The following VPS41 variants were observed in gnomAD, a reference collection of about 807,000 sequenced individuals.
VPS41 encodes VPS41 subunit of HOPS complex, also known as vacuolar protein sorting-associated protein 41 homolog.
VPS41 carries 85 observed loss-of-function variants against 130.9 expected under a neutral mutation model. The ratio of observed to expected loss-of-function variants is 0.65; its 90% CI spans 0.55 to 0.78. The LOEUF (loss-of-function observed/expected upper bound fraction) is 0.78. Ranked by LOEUF, VPS41 falls within the 30% of genes least tolerant of loss-of-function variation. The probability of loss-of-function intolerance (pLI) is 0.00; values close to 1 mark genes in which losing one functional copy is unlikely to be tolerated. For synonymous variants in VPS41, 335 were observed against 332.9 expected (o/e 1.01, Z -0.07); for missense variants, 874 against 1,018.7 (o/e 0.86, Z 1.93).
intron 10 of VPS41, 49 bp from the exon 11 acceptor site, chr7:38,776,825 A>G (rs753349789): frequency 9.5e-7 from 1 of 1,048,768 alleles, no homozygotes; most frequent in Non-Finnish European, 1.5e-6. Flanking sequence ...GGCAAACAGC[A>G]GCACACATCT....
At chr7:38,883,482 C>T (rs571261498) in intron 2 of VPS41, among the ~76,000 whole-genome samples, 26 of 152,302 alleles carry the variant, frequency 1.7e-4, no homozygotes, top group Non-Finnish European at 3.4e-4. Flanking sequence ...CAGGCCTTCC[C>T]TAACCACCCA....
chr7:38,870,131 G>A (rs1005330918), intron 2 of VPS41, among the ~76,000 whole-genome samples: 1 of 152,176 alleles, frequency 6.6e-6, no homozygotes, highest in Non-Finnish European at 1.5e-5. Flanking sequence ...CGGGGGTAGG[G>A]AAAGCAGCAC....
intron 27 of VPS41, among the ~76,000 whole-genome samples, chr7:38,728,176 CTAAAAGA>C (rs1795585213): frequency 6.6e-6 from 1 of 152,106 alleles, no homozygotes; most frequent in Non-Finnish European, 1.5e-5. Flanking sequence ...ACTAGCAGTT[CTAAAAGA>C]AGGGCCCCTG....
intron 25 of VPS41, among the ~76,000 whole-genome samples, chr7:38,730,913 C>G (rs1192838314): frequency 6.6e-6 from 1 of 152,134 alleles, no homozygotes; most frequent in Non-Finnish European, 1.5e-5. Context: ...AAAAAGAAAA[C>G]AGCAAAATAT....
rs777530379 is a variant in VPS41, at chr7:38,774,133, A to C, written c.994T>G (p.Cys332Gly). The C allele has an allele frequency of 1.9e-6, 3 of 1,606,688 alleles. No individual in the cohort carries two copies. In the South Asian group the frequency reaches 3.3e-5, roughly 18 times the overall value. The part of the protein sequence containing the change: ...LTVRGFQENE[C>G]RDYHLEYSEG... ...CTCCTACCTAAATGATAATCTCTACATTCATTCTCCTGAAAGCCTCTGACT... is the reference window on the plus strand; with the variant it reads ...CTCCTACCTAAATGATAATCTCTACCTTCATTCTCCTGAAAGCCTCTGACT... The change falls in exon 12 of 29, where the codon TGT becomes GGT. Residue 332 changes from cysteine to glycine, a missense_variant. By Grantham distance (159) the Cys-to-Gly change is radical. Coordinates refer to ENST00000310301, the MANE Select transcript of VPS41 (RefSeq NM_014396.4).
At chr7:38,779,340 G>A (rs1784317497) in intron 10 of VPS41, among the ~76,000 whole-genome samples, 1 of 152,104 alleles carries the variant, frequency 6.6e-6, no homozygotes, top group South Asian at 2.1e-4. Context: ...CTTTCTTTTT[G>A]TTAAAGTAAT....
Position 38,752,290 on chromosome 7 carries a change from T to C in VPS41, c.1812A>G (p.Arg604=). Residue 604 remains arginine, a synonymous_variant, in exon 22 of 29, where the codon AGA becomes AGG. Transcript: ENST00000310301. Reference sequence around the variant, plus strand: ...GGTAACGCTGCCCCTTATGGTGGTCTCTCTTGAAAAGCTTATGCAAATACT... The same window carrying C: ...GGTAACGCTGCCCCTTATGGTGGTCCCTCTTGAAAAGCTTATGCAAATACT... The part of the protein sequence containing the change: ...QHVYLHKLFK[R]DHHKGQRYHE... The C allele has an allele frequency of 1.6e-5, 26 of 1,613,852 alleles. No individual in the cohort carries two copies. The highest frequency in any genetic ancestry group is 2.2e-5 in the Non-Finnish European group (26 of 1,179,834).
intron 17 of VPS41, among the ~76,000 whole-genome samples, chr7:38,762,642 C>T (rs1191049572): frequency 6.6e-6 from 1 of 152,158 alleles, no homozygotes; most frequent in African/African-American, 2.4e-5. Flanking sequence ...TGTCTCTCCA[C>T]ATAATATGTG....
rs114545920 is a variant in VPS41, at chr7:38,864,171, C to T, written c.169-1549G>A. ...ATACCGTATTTAGTTTGTTAGGAAA[C>T]TAAGGGAGAAGGGAGCTTGGATCTT... On this transcript the variant is annotated intron_variant, in intron 3 of 28. Transcript: ENST00000310301. Among the ~76,000 whole-genome samples the T allele has an allele frequency of 2.6e-3, 390 of 152,242 alleles. 2 individuals carry two copies. The highest frequency in any genetic ancestry group is 8.4e-3 in the African/African-American group (350 of 41,550).
chr7:38,752,417 G>A, intron 21 of VPS41, 104 bp from the exon 22 acceptor site: 3 of 1,373,036 alleles, frequency 2.2e-6, no homozygotes, highest in Non-Finnish European at 3.0e-6. Context: ...GACAGGTTGG[G>A]GGAGAAGCAG....
At chr7:38,899,492 GT>G (rs1787095435) in intron 1 of VPS41, among the ~76,000 whole-genome samples, 1 of 152,180 alleles carries the variant, frequency 6.6e-6, no homozygotes, top group Non-Finnish European at 1.5e-5. Flanking sequence ...CACCATCACA[GT>G]TCCTGGTTTT....
intron 2 of VPS41, among the ~76,000 whole-genome samples, chr7:38,890,604 C>A: frequency 6.6e-6 from 1 of 151,968 alleles, no homozygotes; most frequent in East Asian, 1.9e-4. Flanking sequence ...AATTTCCTGG[C>A]GTGATATTGT....
chr7:38,856,995 G>A (rs1166693450), intron 4 of VPS41, among the ~76,000 whole-genome samples: 1 of 152,226 alleles, frequency 6.6e-6, no homozygotes, highest in Non-Finnish European at 1.5e-5. Context: ...AGATAGTTAG[G>A]ACTTGATGTG....
chr7:38,783,287 A>T (rs887937785), intron 10 of VPS41, among the ~76,000 whole-genome samples: 1 of 152,126 alleles, frequency 6.6e-6, no homozygotes, highest in African/African-American at 2.4e-5. Flanking sequence ...TTGTAATCCC[A>T]GCACTTTGGG....
In VPS41 at chr7:38,752,264, T is replaced by G; in HGVS notation, c.1838A>C (p.His613Pro). The G allele has an allele frequency of 6.2e-7, 1 of 1,613,950 alleles. No homozygotes were observed. Among genetic ancestry groups the G allele is most frequent in the Non-Finnish European group, 8.5e-7 (1 of 1,179,868 alleles). ...AGCATAAAGACTGATCTGTTTTTCA[T>G]GGTAACGCTGCCCCTTATGGTGGTC... ...KRDHHKGQRYHEKQISLYAEY... is the reference protein window; with the variant it reads ...KRDHHKGQRYPEKQISLYAEY... The change falls in exon 22 of 29, where the codon CAT becomes CCT. Residue 613 changes from histidine (H) to proline (P), a missense_variant. By Grantham distance (77) the His-to-Pro change is moderately conservative. Coordinates refer to ENST00000310301, the MANE Select transcript of VPS41 (RefSeq NM_014396.4).
intron 10 of VPS41, among the ~76,000 whole-genome samples, chr7:38,777,561 C>T (rs1234827563): frequency 6.6e-6 from 1 of 152,142 alleles, no homozygotes; most frequent in Middle Eastern, 3.2e-3. Context: ...TTGGGAGTGG[C>T]TTGTTTCAGA....
chr7:38,867,476 C>T (rs796958789), intron 3 of VPS41, among the ~76,000 whole-genome samples: 11 of 151,354 alleles, frequency 7.3e-5, no homozygotes, highest in African/African-American at 2.4e-4. Flanking sequence ...ACCTGGGAGG[C>T]GGAGGTTGCA....
At chr7:38,739,828 C>T (rs1168306112) in intron 25 of VPS41, among the ~76,000 whole-genome samples, 3 of 152,144 alleles carry the variant, frequency 2.0e-5, no homozygotes, top group East Asian at 1.9e-4. Context: ...AACACATTAC[C>T]GAACTACATA....
rs1057505224 is a variant in VPS41 at position 38,849,626 on chromosome 7, C to G, written c.246+12919G>C. Among the ~76,000 whole-genome samples the G allele has an allele frequency of 1.2e-4, 18 of 152,268 alleles. No individual in the cohort carries two copies. In the East Asian group the frequency reaches 3.5e-3, roughly 29 times the overall value. ...GGCCTACCAGCGTGCCGGTGTCTGC[C>G]GGTGCCTGCTGGCATGCTCTTCAAC... On this transcript the variant is annotated intron_variant, in intron 4 of 28. Coordinates refer to ENST00000310301, the MANE Select transcript of VPS41 (RefSeq NM_014396.4).
Sources: allele counts gnomAD v4.1 joint callset (sites outside exome capture counted in the v4.1 genomes callset), GRCh38; gene constraint gnomAD v4.1.1; transcripts MANE v1.5; gene names NCBI Gene and HGNC (gene_info 2026-07-23, HGNC 2026-07-21).